MTMR6: variants seen among roughly 807,000 people sequenced by gnomAD.
The protein encoded by MTMR6 is myotubularin related protein 6.
Under a neutral mutation model 80.1 loss-of-function variants are expected in MTMR6, and 47 were observed. The ratio of observed to expected loss-of-function variants is 0.59; its 90% CI spans 0.46 to 0.75. MTMR6 has a LOEUF of 0.75. Among genes scored for constraint, MTMR6 ranks in the 30% least tolerant of loss-of-function variants. The pLI is 0.00. For synonymous variants in MTMR6, 254 were observed against 253.0 expected (o/e 1.00, Z -0.04); for missense variants, 629 against 730.9 (o/e 0.86, Z 1.61).
intron 9 of MTMR6, among the ~76,000 whole-genome samples, chr13:25,255,735 G>C (rs188580841): frequency 1.9e-3 from 296 of 152,172 alleles, no homozygotes; most frequent in South Asian, 1.5e-3. Flanking sequence ...TATTGGCCAG[G>C]CTGGTCTCGA....
At chr13:25,261,891 A>T in intron 5 of MTMR6, 89 bp from the exon 6 acceptor site, 1 of 1,245,126 alleles carries the variant, frequency 8.0e-7, no homozygotes, top group Non-Finnish European at 1.1e-6. Flanking sequence ...CAAAAGTGTT[A>T]AAATCAAATA....
chr13:25,265,025 T>G (rs898144933), intron 5 of MTMR6, among the ~76,000 whole-genome samples: 5 of 152,182 alleles, frequency 3.3e-5, no homozygotes, highest in African/African-American at 1.2e-4. Context: ...CCTCTTGGCC[T>G]TCTATTAGTA....
intron 6 of MTMR6, among the ~76,000 whole-genome samples, chr13:25,260,850 G>A (rs1286389703): frequency 6.6e-6 from 1 of 152,070 alleles, no homozygotes; most frequent in Non-Finnish European, 1.5e-5. Context: ...TAGCACACAA[G>A]ATGCCTAAGA....
At chr13:25,255,059 T>G (rs929978836) in intron 9 of MTMR6, among the ~76,000 whole-genome samples, 2 of 152,230 alleles carry the variant, frequency 1.3e-5, no homozygotes, top group Non-Finnish European at 2.9e-5. Context: ...GATTTCTAAC[T>G]TTTTCAGTCT....
Position 25,261,601 on chromosome 13 carries a change from A to C in MTMR6, c.726+67T>G. ...TATTTTAAATATGGGCAAGTTTATTAACTCTCATTAAGTAAAGTAATAAAA... is the reference window on the plus strand; with the variant it reads ...TATTTTAAATATGGGCAAGTTTATTCACTCTCATTAAGTAAAGTAATAAAA... On this transcript the variant is annotated intron_variant, in intron 6 of 13. Transcript: ENST00000381801. 2.3e-6 allele frequency: 3 copies of C among 1,319,820 alleles called. No homozygotes were observed. The South Asian group carries it at 5.8e-5, about 25-fold the overall frequency. 81.8% of individuals were successfully genotyped at this position (1,319,820 alleles called of 1,614,324 possible).
Position 25,266,234 on chromosome 13 carries a change from T to C in MTMR6, c.357A>G (p.Ser119=). 6.2e-7 allele frequency: 1 copy of C among 1,613,844 alleles called. No homozygotes were observed. Among genetic ancestry groups the C allele is most frequent in the Non-Finnish European group, 8.5e-7 (1 of 1,179,710 alleles). ...AFSYNPKQND[S]ERLQGWQLID... is the part of the protein sequence containing the mutation. Reference sequence around the variant, plus strand: ...TGAGCTGCCAGCCTTGTAGTCGTTCTGAATCATTTTGTTTGGGATTATAAG... The same window carrying C: ...TGAGCTGCCAGCCTTGTAGTCGTTCCGAATCATTTTGTTTGGGATTATAAG... Residue 119 remains serine (S), a synonymous_variant, in exon 4 of 14, where the codon TCA becomes TCG. Transcript: ENST00000381801.
At chr13:25,279,511 T>G (rs1310179512) in intron 1 of MTMR6, among the ~76,000 whole-genome samples, 1 of 152,214 alleles carries the variant, frequency 6.6e-6, no homozygotes, top group Non-Finnish European at 1.5e-5. Flanking sequence ...TTTATTTGCC[T>G]AATAAATATA....
At chr13:25,250,326 G>C in intron 13 of MTMR6, among the ~76,000 whole-genome samples, 1 of 152,086 alleles carries the variant, frequency 6.6e-6, no homozygotes, top group East Asian at 1.9e-4. Context: ...AAAACATTGA[G>C]CAATTTGACA....
At position 25,263,658 on chromosome 13, in the gene MTMR6, C is replaced by T. The variant is rs559721615; in HGVS notation, c.592-1856G>A. On this transcript the variant is annotated intron_variant, in intron 5 of 13. Transcript: ENST00000381801. ...TCCCAGCACTTTGGGAGGCCGAGGC[C>T]GGTGGATCACCTGAGGTCAGGAGTT... Among the ~76,000 whole-genome samples the T allele has an allele frequency of 2.0e-4, 30 of 152,084 alleles. No individual in the cohort carries two copies. The South Asian group carries it at 3.5e-3, about 18-fold the overall frequency.
chr13:25,287,098 G>T, intron 1 of MTMR6, 126 bp downstream of exon 1: 1 of 1,389,458 alleles, frequency 7.2e-7, no homozygotes. Context: ...AGACCCTCCC[G>T]CCCCGGGCCG....
At chr13:25,266,961 C>T (rs978057631) in intron 3 of MTMR6, among the ~76,000 whole-genome samples, 1 of 152,096 alleles carries the variant, frequency 6.6e-6, no homozygotes, top group Non-Finnish European at 1.5e-5. Flanking sequence ...GCATAAGTAG[C>T]GATAAGATTC....
In MTMR6 at chr13:25,257,257, TG is replaced by T; in HGVS notation, c.1033del (p.Gln345ArgfsTer23). ...TAAAAGAGAACCCAGGGAACAAACCTGGGAAGTCCTATCCCAACCATCGGAA... is the reference window on the plus strand; with the variant it reads ...TAAAAGAGAACCCAGGGAACAAACCTGGAAGTCCTATCCCAACCATCGGAA... ...HCSDGWDRTS[Q>X]VCSLGSLLLD... On this transcript the variant is annotated frameshift_variant, in exon 9 of 14. Coordinates refer to ENST00000381801, the MANE Select transcript of MTMR6 (RefSeq NM_004685.5). LOFTEE classifies it high-confidence loss of function. 1.2e-6 allele frequency: 2 copies of T among 1,613,986 alleles called. No individual in the cohort carries two copies. Among genetic ancestry groups the T allele is most frequent in the Non-Finnish European group, 1.7e-6 (2 of 1,179,900 alleles).
At position 25,249,487 on chromosome 13, in the gene MTMR6, A is replaced by T. The variant is rs143827937; in HGVS notation, c.1611T>A (p.Ile537=). The T allele has an allele frequency of 6.2e-7, 1 of 1,610,484 alleles. No individual in the cohort carries two copies. Among genetic ancestry groups the T allele is most frequent in the African/African-American group, 1.3e-5 (1 of 74,972 alleles). ...EKDIKDLESK[I]KQRKNKQTDG... is the part of the protein sequence containing the mutation. ...CTGTTTGCTTATTTTTGCGTTGTTT[A>T]ATTTTCTAGAACAAACACAAATTTG... The change falls in exon 14 of 14, where the codon ATT becomes ATA. Residue 537 remains isoleucine, a synonymous_variant. Coordinates refer to ENST00000381801, the MANE Select transcript of MTMR6 (RefSeq NM_004685.5).
chr13:25,254,754 A>T (rs904246691), intron 9 of MTMR6, among the ~76,000 whole-genome samples: 1 of 152,202 alleles, frequency 6.6e-6, no homozygotes, highest in East Asian at 1.9e-4. Flanking sequence ...ATGATATATC[A>T]TAGGAAAAAG....
Position 25,251,308 on chromosome 13 carries a change from A to T in MTMR6, c.1605+341T>A, listed in dbSNP as rs1225558908. Among the ~76,000 whole-genome samples the T allele has an allele frequency of 6.6e-6, 1 of 152,230 alleles. No individual in the cohort carries two copies. Among genetic ancestry groups the T allele is most frequent in the African/African-American group, 2.4e-5 (1 of 41,464 alleles). On this transcript the variant is annotated intron_variant, in intron 13 of 13. Transcript: ENST00000381801. This position sits in a 1 kb window ranked among gnomAD's most constrained non-coding sequence, Gnocchi z 4.1. ...AGTGCTGGGATTACAGGCGTGAGCC[A>T]CTGCGCCCGGCCTATGTTTTATTTC...
At chr13:25,265,974 A>T in intron 4 of MTMR6, 27 bp from the exon 5 acceptor site, 3 of 1,608,298 alleles carry the variant, frequency 1.9e-6, no homozygotes, top group Non-Finnish European at 2.6e-6. Context: ...AAACATAACC[A>T]TTGTATTCTT....
Position 25,253,754 on chromosome 13 carries a change from A to G in MTMR6, c.1346+10T>C. The G allele has an allele frequency of 6.2e-7, 1 of 1,611,024 alleles. No homozygotes were observed. The highest frequency in any genetic ancestry group is 1.3e-5 in the African/African-American group (1 of 74,924). On this transcript the variant is annotated intron_variant, in intron 11 of 13. Transcript: ENST00000381801. ...GGGAAAAGGAGACTCTTTTAATTGA[A>G]TCATCTTACTTGAGCTCTTCTCTTT...
intron 6 of MTMR6, among the ~76,000 whole-genome samples, chr13:25,261,303 TA>T (rs56833434): frequency 0.056 from 2,281 of 40,678 alleles, 40 homozygotes; most frequent in African/African-American, 0.14. Context: ...AACTCTGTCT[TA>T]AAAAAAAAAA....
chr13:25,278,531 G>T (rs541530290), intron 1 of MTMR6, among the ~76,000 whole-genome samples: 2 of 152,132 alleles, frequency 1.3e-5, no homozygotes, highest in South Asian at 4.2e-4. Context: ...AACCAGCCTG[G>T]CCAACATGGT....
Sources: gnomAD v4.1 joint callset for allele counts (sites outside exome capture counted in the v4.1 genomes callset) on GRCh38, gnomAD v4.1.1 for gene constraint, Gnocchi (gnomAD v3.1) non-coding constraint, MANE v1.5 for transcripts, NCBI Gene and HGNC (gene_info 2026-07-23, HGNC 2026-07-21) for gene names.